TMEM132C: variants seen among roughly 807,000 people sequenced by gnomAD.
The protein encoded by TMEM132C is transmembrane protein 132C, also known as protein phosphatase 1, regulatory subunit 152.
Under a neutral mutation model 61.4 loss-of-function variants are expected in TMEM132C, and 29 were observed. The ratio of observed to expected loss-of-function variants is 0.47; its 90% CI spans 0.35 to 0.64. The LOEUF (loss-of-function observed/expected upper bound fraction) is 0.64, where lower values mean the gene tolerates loss of function less well. Among genes scored for constraint, TMEM132C ranks in the 30% least tolerant of loss-of-function variants. The pLI, the probability that TMEM132C is intolerant of heterozygous loss-of-function variation, is 0.00. For missense variants in TMEM132C, 1,408 were observed against 1,476.9 expected (o/e 0.95, Z 0.76); for synonymous variants, 656 against 633.1 (o/e 1.04, Z -0.54).
chr12:128,693,996 G>C lies in TMEM132C; in HGVS notation c.1617G>C (p.Gln539His), dbSNP rs1170118176. Residue 539 changes from glutamine to histidine, a missense_variant, in exon 6 of 9, where the codon CAG (glutamine) becomes CAC (histidine). Coordinates refer to ENST00000435159, the MANE Select transcript of TMEM132C (RefSeq NM_001136103.3). ...QIEVSDTELS[Q>H]IKGWRVPIVT... ...AGGTCTCTGACACGGAGCTCAGCCA[G>C]ATAAAGGGCTGGAGGGTCCCCATTG... is the stretch of plus-strand genomic sequence containing the variant. The C allele has an allele frequency of 6.4e-7, 1 of 1,551,752 alleles. No homozygotes were observed. Among genetic ancestry groups the C allele is most frequent in the Admixed American group, 2.0e-5 (1 of 51,012 alleles).
At chr12:128,688,469 CAAAA>C (rs1025698224) in intron 5 of TMEM132C, among the ~76,000 whole-genome samples, 2 of 151,614 alleles carry the variant, frequency 1.3e-5, no homozygotes, top group Admixed American at 6.6e-5. Flanking sequence ...AAAAGCAAAA[CAAAA>C]AGAAAACAGG....
intron 4 of TMEM132C, among the ~76,000 whole-genome samples, chr12:128,648,788 G>A (rs140384560): frequency 7.8e-4 from 112 of 143,954 alleles, no homozygotes; most frequent in African/African-American, 2.7e-3. Context: ...GTCCATCAGC[G>A]TTGGATGAGT....
intron 2 of TMEM132C, among the ~76,000 whole-genome samples, chr12:128,527,339 G>C (rs1371303527): frequency 6.6e-6 from 1 of 152,174 alleles, no homozygotes; most frequent in Non-Finnish European, 1.5e-5. Context: ...TTTTACGAAG[G>C]AGTTTTTACA....
rs184000709 is a variant in TMEM132C, at chr12:128,315,312, G to T, written c.85+47825G>T. On this transcript the variant is annotated intron_variant, in intron 1 of 8. Coordinates refer to ENST00000435159, the MANE Select transcript of TMEM132C (RefSeq NM_001136103.3). ...GATGAGGCTGCAGGGGTAGGGAGCTGCCTTCCAGGTATTGCTAAATGCGCA... is the reference window on the plus strand; with the variant it reads ...GATGAGGCTGCAGGGGTAGGGAGCTTCCTTCCAGGTATTGCTAAATGCGCA... 1.2e-3 allele frequency among the ~76,000 whole-genome samples: 188 copies of T among 152,286 alleles called. 2 individuals are homozygous for T. The highest frequency in any genetic ancestry group is 4.3e-3 in the African/African-American group (178 of 41,556).
chr12:128,438,919 C>T (rs4882763), intron 2 of TMEM132C: 57,543 of 151,766 alleles, frequency 0.38, 11,083 homozygotes, highest in East Asian at 0.57. Flanking sequence ...GAGCAGACTT[C>T]CTCTTTTTTT....
chr12:128,487,966 G>A (rs775845502), intron 2 of TMEM132C, among the ~76,000 whole-genome samples: 7 of 152,196 alleles, frequency 4.6e-5, no homozygotes, highest in Non-Finnish European at 7.3e-5. Context: ...TTCCATTGCA[G>A]TAGCCACATT....
intron 3 of TMEM132C, among the ~76,000 whole-genome samples, chr12:128,578,479 C>CCTTCAAAGT (rs1165162326): frequency 6.6e-6 from 1 of 152,170 alleles, no homozygotes; most frequent in Non-Finnish European, 1.5e-5. Context: ...TTCGTTTGTA[C>CCTTCAAAGT]CTTCAAAGTC....
intron 3 of TMEM132C, among the ~76,000 whole-genome samples, chr12:128,603,593 A>G (rs1876285329): frequency 6.6e-6 from 1 of 152,082 alleles, no homozygotes; most frequent in Non-Finnish European, 1.5e-5. Context: ...TATTTTCTTC[A>G]CTTAGAGCCA....
chr12:128,598,049 A>T (rs1390151119), intron 3 of TMEM132C, among the ~76,000 whole-genome samples: 1 of 152,230 alleles, frequency 6.6e-6, no homozygotes, highest in Non-Finnish European at 1.5e-5. Context: ...TCCTAACGTG[A>T]CAGCTTCTCA....
chr12:128,338,889 C>T (rs1402481474), intron 1 of TMEM132C, among the ~76,000 whole-genome samples: 1 of 151,910 alleles, frequency 6.6e-6, no homozygotes, highest in Non-Finnish European at 1.5e-5. Context: ...TTAGAAGTTC[C>T]CTACACAGAG....
At chr12:128,348,426 TC>T (rs1873239126) in intron 1 of TMEM132C, among the ~76,000 whole-genome samples, 2 of 152,224 alleles carry the variant, frequency 1.3e-5, no homozygotes, top group South Asian at 4.1e-4. Context: ...TCCTTTTCTT[TC>T]GTTACCTAAA....
At chr12:128,673,625 C>A (rs530030934) in intron 5 of TMEM132C, among the ~76,000 whole-genome samples, 4 of 152,350 alleles carry the variant, frequency 2.6e-5, no homozygotes, top group African/African-American at 9.6e-5. Context: ...CAAAAATAGT[C>A]TATGCTCTGT....
chr12:128,308,835 T>G (rs560651237), intron 1 of TMEM132C, among the ~76,000 whole-genome samples: 60 of 152,244 alleles, frequency 3.9e-4, no homozygotes, highest in Non-Finnish European at 6.8e-4. Context: ...CACCTGGTGC[T>G]GAGGCTCTTC....
At chr12:128,505,647 C>A (rs930681841) in intron 2 of TMEM132C, among the ~76,000 whole-genome samples, 1 of 152,180 alleles carries the variant, frequency 6.6e-6, no homozygotes, top group African/African-American at 2.4e-5. Flanking sequence ...CCCTCAATAG[C>A]CATTGCCCAT....
At chr12:128,409,475 C>T (rs1868449391) in intron 1 of TMEM132C, among the ~76,000 whole-genome samples, 1 of 152,174 alleles carries the variant, frequency 6.6e-6, no homozygotes, top group South Asian at 2.1e-4. Context: ...TGTAAGTCAC[C>T]TCCTCCCATC....
intron 4 of TMEM132C, among the ~76,000 whole-genome samples, chr12:128,636,560 T>TTTTGTG (rs1555238590): frequency 3.0e-5 from 3 of 100,680 alleles, no homozygotes; most frequent in African/African-American, 1.4e-4. Flanking sequence ...TTTTGGGTTT[T>TTTTGTG]TGTTTGTGTG....
chr12:128,707,879 A>G lies in TMEM132C; in HGVS notation c.*1584A>G, dbSNP rs1394678065. On this transcript the variant is annotated 3_prime_UTR_variant, in exon 9 of 9. Transcript: ENST00000435159. ...ATATTTATTTATACCTGTGATGCCA[A>G]TTGTCATTAAAAGGCTTTTCATGGC... The G allele has an allele frequency of 6.6e-6, 1 of 152,074 alleles. No homozygotes were observed. The highest frequency in any genetic ancestry group is 2.4e-5 in the African/African-American group (1 of 41,398). The allele number at this position is 152,074 out of a possible 1,614,324, so 9.4% of individuals were successfully genotyped here.
At chr12:128,444,077 C>T (rs1174672184) in intron 2 of TMEM132C, among the ~76,000 whole-genome samples, 1 of 152,184 alleles carries the variant, frequency 6.6e-6, no homozygotes, top group Non-Finnish European at 1.5e-5. Context: ...GCACACACCA[C>T]CACGCGCAGC....
intron 4 of TMEM132C, among the ~76,000 whole-genome samples, chr12:128,655,275 G>A (rs1416906965): frequency 6.6e-6 from 1 of 152,156 alleles, no homozygotes; most frequent in African/African-American, 2.4e-5. Context: ...GCACAGCCGG[G>A]GTCTGCACTT....
Sources: allele counts gnomAD v4.1 joint callset (sites outside exome capture counted in the v4.1 genomes callset), GRCh38; gene constraint gnomAD v4.1.1; transcripts MANE v1.5; gene names NCBI Gene and HGNC (gene_info 2026-07-23, HGNC 2026-07-21).